COL5A3: variants seen among roughly 807,000 people sequenced by gnomAD.
The protein encoded by COL5A3 is collagen type V alpha 3 chain.
COL5A3 carries 172 observed loss-of-function variants against 250.0 expected under a neutral mutation model. The observed-to-expected ratio is 0.69, with a 90% CI of 0.61 to 0.78. COL5A3 has a LOEUF of 0.78. COL5A3 is among the 30% of genes least tolerant of loss of function. The pLI is 0.00. For missense variants in COL5A3, 2,340 were observed against 2,334.4 expected, an observed-to-expected ratio of 1.00 and a Z score of -0.05; for synonymous variants, 937 against 900.4, an observed-to-expected ratio of 1.04 and a Z score of -0.73.
rs1383434084 is a variant in COL5A3, at chr19:9,966,762, G to T, written c.4459-16C>A. On this transcript the variant is annotated splice_polypyrimidine_tract_variant and intron_variant, in intron 62 of 66. Transcript: ENST00000264828. The stretch of plus-strand genomic sequence containing the variant: ...CAGGGGCACCCTGGGCGTAGGGGAT[G>T]GGGACGGAGAAGAGAGGGGAGATGG... The T allele has an allele frequency of 7.2e-6, 11 of 1,527,280 alleles. No homozygotes were observed. The highest frequency in any genetic ancestry group is 9.6e-6 in the Non-Finnish European group (11 of 1,140,788). 94.6% of individuals were successfully genotyped at this position (1,527,280 alleles called of 1,614,324 possible). A position where few individuals can be genotyped will look rare whatever the true frequency, so the allele number is the denominator to read the frequency against.
intron 54 of COL5A3, 74 bp from the exon 55 acceptor site, chr19:9,969,996 C>G (rs58525359): frequency 2.1e-5 from 22 of 1,051,222 alleles, no homozygotes; most frequent in African/African-American, 1.0e-4. Flanking sequence ...GTCTGGGTGA[C>G]TGGGGGGTTA....
At position 9,968,336 on chromosome 19, in the gene COL5A3, CGA is replaced by C; in HGVS notation, c.4314+47_4314+48del. On this transcript the variant is annotated intron_variant, in intron 59 of 66. Transcript: ENST00000264828. This position sits in a 1 kb window ranked among gnomAD's most constrained non-coding sequence, Gnocchi z 4.1. The stretch of plus-strand genomic sequence containing the variant: ...GACCCCACACCCACAGTCTCTCAAC[CGA>C]CCCCCTCCTTCAAATGCATTCTTCC... The C allele has an allele frequency of 1.1e-5, 16 of 1,455,534 alleles. No homozygotes were observed. The highest frequency in any genetic ancestry group is 2.3e-5 in the East Asian group (1 of 43,522). The allele number at this position is 1,455,534 out of a possible 1,614,324, so 90.2% of individuals were successfully genotyped here. A position where few individuals can be genotyped will look rare whatever the true frequency, so the allele number is the denominator to read the frequency against.
Position 9,972,918 on chromosome 19 carries a change from C to A in COL5A3, c.3774+1G>T. 6.2e-7 allele frequency: 1 copy of A among 1,605,190 alleles called. No homozygotes were observed. Among genetic ancestry groups the A allele is most frequent in the Admixed American group, 1.7e-5 (1 of 58,802 alleles). On this transcript the variant is annotated splice_donor_variant, in intron 51 of 66. Coordinates refer to ENST00000264828, the MANE Select transcript of COL5A3 (RefSeq NM_015719.4). LOFTEE classifies it high-confidence loss of function. ...TGCCCCCACTTCCCCCCAGGACTCA[C>A]CACGCTCCCTTTGGCTCCATCCTCT...
At chr19:9,971,134 G>A in intron 52 of COL5A3, 71 bp downstream of exon 52, 2 of 1,409,408 alleles carry the variant, frequency 1.4e-6, no homozygotes, top group Non-Finnish European at 1.9e-6. Flanking sequence ...TCAGTGCCCA[G>A]GTCTGTGGGG....
At chr19:9,989,698 C>T (rs1305247617) in intron 24 of COL5A3, among the ~76,000 whole-genome samples, 176 bp from the exon 25 acceptor site, 1 of 152,202 alleles carries the variant, frequency 6.6e-6, no homozygotes, top group East Asian at 1.9e-4. Context: ...AAGCCCATTT[C>T]CCTCTCTGAT....
intron 64 of COL5A3, 75 bp downstream of exon 64, chr19:9,966,239 A>G: frequency 9.0e-7 from 1 of 1,106,760 alleles, no homozygotes; most frequent in Non-Finnish European, 1.3e-6. Context: ...AACGTCCCAG[A>G]CAAGGTGGTT....
rs1205913792 is a variant in COL5A3, at chr19:10,001,527, A to G, written c.1107T>C (p.Phe369=). 5.6e-6 allele frequency: 9 copies of G among 1,613,650 alleles called. No homozygotes were observed. The Admixed American group carries it at 1.3e-4, about 24-fold the overall frequency. Residue 369 remains phenylalanine (F), a synonymous_variant, in exon 8 of 67, where the codon TTT becomes TTC. Transcript: ENST00000264828. ...CCCCAGCCACCTAGAAACTCACAGG[A>G]AAGATCTGGAACTGAGTCCGAGATG... is the stretch of plus-strand genomic sequence containing the variant. ...EYPSRTQFQI[F]PGAGEKGAKG...
intron 31 of COL5A3, 22 bp downstream of exon 31, chr19:9,985,820 C>G: frequency 6.2e-7 from 1 of 1,600,442 alleles, no homozygotes; most frequent in Non-Finnish European, 8.5e-7. Flanking sequence ...TCCATCTCCA[C>G]CCCCCACCCC....
Position 9,986,373 on chromosome 19 carries a change from G to T in COL5A3, c.2294C>A (p.Pro765Gln). ...GCCAGCCTGCCCCGCCTGCCCCTTC[G>T]GCCCCTCAGGACCATCCTCTCCCCG... ...GPRGEDGPEG[P>Q]KGQAGQAGEE... is the part of the protein sequence containing the mutation. Residue 765 changes from proline to glutamine, a missense_variant, in exon 30 of 67, where the codon CCG becomes CAG. Physicochemically the swap from Pro to Gln is moderately conservative, Grantham distance 76 (BLOSUM62 -1). Transcript: ENST00000264828. 6.2e-7 allele frequency: 1 copy of T among 1,606,894 alleles called. No homozygotes were observed. The highest frequency in any genetic ancestry group is 1.1e-5 in the South Asian group (1 of 90,646).
chr19:9,993,258 C>T, intron 19 of COL5A3, 122 bp downstream of exon 19: 1 of 1,207,630 alleles, frequency 8.3e-7, no homozygotes, highest in Non-Finnish European at 1.2e-6. Context: ...CACCTCCTCA[C>T]CCCACAATTT....
rs118084511 is a variant in COL5A3, at chr19:9,992,338, G to A, written c.1849-290C>T. Among the ~76,000 whole-genome samples the A allele has an allele frequency of 5.1e-3, 775 of 152,208 alleles. 26 individuals are homozygous for A. In the East Asian group the frequency reaches 0.078, roughly 15 times the overall value. On this transcript the variant is annotated intron_variant, in intron 21 of 66. Coordinates refer to ENST00000264828, the MANE Select transcript of COL5A3 (RefSeq NM_015719.4). ...GCAGGAGAATAGCTTGAACGTGGAA[G>A]GCGGAGTTTGCAGTGAGCAGAGATC...
intron 30 of COL5A3, 42 bp downstream of exon 30, chr19:9,986,273 A>G: frequency 7.6e-7 from 1 of 1,312,098 alleles, no homozygotes; most frequent in Non-Finnish European, 1.0e-6. Context: ...AAGATTGGGG[A>G]CACCTTGACT....
chr19:9,994,607 T>TATATATA (rs2087244384), intron 16 of COL5A3, among the ~76,000 whole-genome samples: 1 of 111,638 alleles, frequency 9.0e-6, no homozygotes, highest in Non-Finnish European at 1.9e-5. Flanking sequence ...TATATATATA[T>TATATATA]GGTCACATGT....
At position 9,973,929 on chromosome 19, in the gene COL5A3, G is replaced by C. The variant is rs143071432; in HGVS notation, c.3548C>G (p.Thr1183Ser). ...CCCAAGAGTTCTCACCTCTGATCCA[G>C]TGGGGCCTTGGGGACCCCGAGGACC... ...APGPRGPQGP[T>S]GSEGTPGLPG... Residue 1183 changes from threonine to serine, a missense_variant, in exon 48 of 67, where the codon ACT (threonine) becomes AGT (serine). Thr to Ser is a moderately conservative substitution (Grantham distance 58, BLOSUM62 1). Transcript: ENST00000264828. The C allele has an allele frequency of 7.7e-6, 12 of 1,564,434 alleles. No homozygotes were observed. In the African/African-American group the frequency reaches 1.2e-4, roughly 16 times the overall value.
intron 24 of COL5A3, among the ~76,000 whole-genome samples, chr19:9,991,308 C>T (rs779476604): frequency 6.6e-6 from 1 of 152,168 alleles, no homozygotes; most frequent in Non-Finnish European, 1.5e-5. Context: ...GCAGATGTGC[C>T]AGGGAACAAA....
intron 16 of COL5A3, among the ~76,000 whole-genome samples, chr19:9,994,464 A>G (rs1050516874): frequency 6.7e-6 from 1 of 149,978 alleles, no homozygotes; most frequent in Non-Finnish European, 1.5e-5. Flanking sequence ...GATTAGAGAT[A>G]CCAGTTGCTA....
chr19:9,992,831 C>T lies in COL5A3; in HGVS notation c.1844G>A (p.Arg615His), dbSNP rs375719134. The change falls in exon 21 of 67, where the codon CGC (arginine) becomes CAC (histidine). Residue 615 changes from arginine to histidine, a missense_variant. By Grantham distance (29) the Arg-to-His change is conservative (BLOSUM62 0). Around this residue, in one of 3 missense-constraint regions of COL5A3, gnomAD observed 1,152 missense variants for 1,146.3 expected, o/e 1.00. Transcript: ENST00000264828. ...CAGAGAGCCAGTGACACTCACCGGG[C>T]GACCCGTGGGGCCAGGAGAGCCTCT... Reference protein sequence around the residue: ...GPRGSPGPTGRPGVTGIDGAP... With the variant: ...GPRGSPGPTGHPGVTGIDGAP... 5.6e-5 allele frequency: 91 copies of T among 1,613,790 alleles called. No individual in the cohort carries two copies. The East Asian group carries it at 8.7e-4, about 15-fold the overall frequency.
intron 51 of COL5A3, among the ~76,000 whole-genome samples, chr19:9,972,144 CATTA>C (rs1288079607): frequency 6.6e-6 from 1 of 152,104 alleles, no homozygotes; most frequent in Non-Finnish European, 1.5e-5. Context: ...TTCATGCATC[CATTA>C]ATTTACTTAT....
Position 10,009,494 on chromosome 19 carries a change from G to T in COL5A3, c.88+804C>A, listed in dbSNP as rs1413281552. Among the ~76,000 whole-genome samples, 1 of 151,936 alleles carries T rather than the reference G, an allele frequency of 6.6e-6. No individual in the cohort carries two copies. Among genetic ancestry groups the T allele is most frequent in the East Asian group, 1.9e-4 (1 of 5,162 alleles). The stretch of plus-strand genomic sequence containing the variant: ...AAGGCTCCAGCAGCTGGGGTGGGGA[G>T]GGGGGGAGCAACTTCCACTCCTGCC... On this transcript the variant is annotated intron_variant, in intron 1 of 66. Coordinates refer to ENST00000264828, the MANE Select transcript of COL5A3 (RefSeq NM_015719.4). This position sits in a 1 kb window ranked among gnomAD's most constrained non-coding sequence, Gnocchi z 4.4.
Sources: gnomAD v4.1 joint callset for allele counts (sites outside exome capture counted in the v4.1 genomes callset) on GRCh38, gnomAD v4.1.1 for gene constraint, gnomAD v4.1.1 regional missense constraint, Gnocchi (gnomAD v3.1) non-coding constraint, MANE v1.5 for transcripts, NCBI Gene and HGNC (gene_info 2026-07-23, HGNC 2026-07-21) for gene names.